ZNF341: variants seen among roughly 807,000 people sequenced by gnomAD.
The protein encoded by ZNF341 is zinc finger protein 341.
In ZNF341, 52 loss-of-function variants were observed where a neutral mutation model predicts 87.7. That is an observed-to-expected ratio of 0.59 (90% CI 0.47 to 0.75). ZNF341 has a LOEUF of 0.75. Among genes scored for constraint, ZNF341 ranks in the 30% least tolerant of loss-of-function variants. The pLI is 0.00. For missense variants in ZNF341, 977 were observed against 1,145.9 expected, an observed-to-expected ratio of 0.85 and a Z score of 2.13; for synonymous variants, 459 against 472.7, an observed-to-expected ratio of 0.97 and a Z score of 0.38.
In ZNF341 at chr20:33,762,031, A is replaced by G; in HGVS notation, c.1198A>G (p.Arg400Gly). Residue 400 changes from arginine to glycine, a missense_variant, in exon 8 of 15, where the codon AGG (arginine) becomes GGG (glycine). Transcript: ENST00000375200. ...TVQVMALNPSRQEDEESTGLG... is the reference protein window; with the variant it reads ...TVQVMALNPSGQEDEESTGLG... ...ACAGGTCATGGCCCTGAACCCCAGCAGGCAGGAGGACGAGGAAAGCACAGG... is the reference window on the plus strand; with the variant it reads ...ACAGGTCATGGCCCTGAACCCCAGCGGGCAGGAGGACGAGGAAAGCACAGG... The G allele has an allele frequency of 1.9e-6, 3 of 1,569,604 alleles. No homozygotes were observed. The highest frequency in any genetic ancestry group is 2.6e-6 in the Non-Finnish European group (3 of 1,147,576).
chr20:33,789,155 A>C (rs1454638469), intron 13 of ZNF341, among the ~76,000 whole-genome samples, 181 bp downstream of exon 13: 1 of 151,356 alleles, frequency 6.6e-6, no homozygotes, highest in Non-Finnish European at 1.5e-5. Flanking sequence ...GTCTCACTGC[A>C]ACCTCTGCCT....
At chr20:33,753,980 G>A (rs1014078878) in intron 5 of ZNF341, among the ~76,000 whole-genome samples, 1 of 152,114 alleles carries the variant, frequency 6.6e-6, no homozygotes, top group Non-Finnish European at 1.5e-5. Flanking sequence ...TGGGACAAGT[G>A]GGGTGACTCA....
chr20:33,786,774 C>T (rs866827998), intron 12 of ZNF341, among the ~76,000 whole-genome samples: 2 of 143,780 alleles, frequency 1.4e-5, no homozygotes, highest in African/African-American at 2.6e-5. Flanking sequence ...TTGAGACCAG[C>T]CTGGCCAACG....
At chr20:33,742,642 A>T (rs2018826289) in intron 2 of ZNF341, among the ~76,000 whole-genome samples, 2 of 151,618 alleles carry the variant, frequency 1.3e-5, no homozygotes, top group Admixed American at 6.6e-5. Flanking sequence ...ATTAAAAAAA[A>T]AAAATAGAGA....
chr20:33,772,004 T>C (rs2019542003), intron 10 of ZNF341, among the ~76,000 whole-genome samples: 1 of 59,366 alleles, frequency 1.7e-5, no homozygotes, highest in African/African-American at 7.5e-5. Context: ...ACAGAGACGC[T>C]TGTCTTAAAA....
At chr20:33,766,534 G>A (rs1476141125) in intron 8 of ZNF341, among the ~76,000 whole-genome samples, 3 of 152,146 alleles carry the variant, frequency 2.0e-5, no homozygotes, top group African/African-American at 7.2e-5. Flanking sequence ...GGAGGCATTA[G>A]GAGTACAACT....
At chr20:33,745,794 C>T (rs956279528) in intron 3 of ZNF341, among the ~76,000 whole-genome samples, 9 of 151,720 alleles carry the variant, frequency 5.9e-5, no homozygotes, top group African/African-American at 2.2e-4. Context: ...GATGCAGAGG[C>T]CTTGAGGCAG....
chr20:33,769,315 C>T (rs1004928941), intron 9 of ZNF341, among the ~76,000 whole-genome samples: 2 of 140,902 alleles, frequency 1.4e-5, no homozygotes, highest in Non-Finnish European at 3.0e-5. Flanking sequence ...TAGTGATGCA[C>T]ATATTCAGAC....
intron 7 of ZNF341, 139 bp from the exon 8 acceptor site, chr20:33,761,723 G>T (rs1465877519): frequency 6.0e-6 from 4 of 671,964 alleles, no homozygotes; most frequent in Non-Finnish European, 9.3e-6. Context: ...CTCAGCGAAG[G>T]GGCTTGTCGC....
In ZNF341 at chr20:33,770,013, G is replaced by A. The variant is rs940219622; in HGVS notation, c.1414-71G>A. 3 of 1,069,468 alleles carry A rather than the reference G, an allele frequency of 2.8e-6. No homozygotes were observed. The African/African-American group carries it at 4.6e-5, about 17-fold the overall frequency. The allele number at this position is 1,069,468 out of a possible 1,614,324, so 66.2% of individuals were successfully genotyped here. ...TTTACCATCAGTGTCCAAGGCCAAT[G>A]CCACAGGCCAGGGGCTGCAGTGGAG... On this transcript the variant is annotated intron_variant, in intron 9 of 14. Coordinates refer to ENST00000375200, the MANE Select transcript of ZNF341 (RefSeq NM_001282933.2).
intron 2 of ZNF341, among the ~76,000 whole-genome samples, chr20:33,741,831 T>C (rs1372997825): frequency 1.3e-5 from 2 of 152,234 alleles, no homozygotes; most frequent in African/African-American, 4.8e-5. Flanking sequence ...GAATTATTGT[T>C]CTTATAGTTC....
chr20:33,789,078 CTTTTT>C, intron 13 of ZNF341, 104 bp downstream of exon 13: 3 of 608,070 alleles, frequency 4.9e-6, no homozygotes, highest in Non-Finnish European at 8.2e-6. Context: ...CAGGCCTCTC[CTTTTT>C]TTTTTTTTTG....
At chr20:33,734,852 A>G (rs186721681) in intron 1 of ZNF341, among the ~76,000 whole-genome samples, 1 of 151,860 alleles carries the variant, frequency 6.6e-6, no homozygotes, top group African/African-American at 2.4e-5. Flanking sequence ...CTACAGGCAC[A>G]TGCCACCACG....
rs2020026277 is a variant in ZNF341, at chr20:33,791,388, A to G, written c.2436A>G (p.Glu812=). 1 of 1,612,658 alleles carries G rather than the reference A, an allele frequency of 6.2e-7. No homozygotes were observed. Among genetic ancestry groups the G allele is most frequent in the Non-Finnish European group, 8.5e-7 (1 of 1,179,748 alleles). The change falls in exon 15 of 15, where the codon GAA becomes GAG. Residue 812 remains glutamate, a synonymous_variant. Transcript: ENST00000375200. The part of the protein sequence containing the change: ...SIVVGGAVGA[E]TELVVPGHAE... ...TTGTGGGTGGTGCGGTGGGCGCGGA[A>G]ACTGAGCTGGTGGTACCTGGACACG...
intron 8 of ZNF341, 92 bp from the exon 9 acceptor site, chr20:33,766,759 G>A (rs1303920676): frequency 3.4e-5 from 47 of 1,373,812 alleles, no homozygotes; most frequent in East Asian, 1.2e-4. Flanking sequence ...AGCAGGTGCC[G>A]GGTGAACACA....
chr20:33,748,035 G>A (rs1020634931), intron 3 of ZNF341, among the ~76,000 whole-genome samples: 4 of 151,714 alleles, frequency 2.6e-5, no homozygotes, highest in Non-Finnish European at 5.9e-5. Flanking sequence ...ACTTCATGTG[G>A]ACATGTGTTC....
chr20:33,750,208 C>T (rs755891038), intron 4 of ZNF341, among the ~76,000 whole-genome samples: 5 of 152,046 alleles, frequency 3.3e-5, no homozygotes, highest in Admixed American at 2.0e-4. Context: ...CCTCTAGTGT[C>T]GGCCTCTCAA....
intron 1 of ZNF341, among the ~76,000 whole-genome samples, chr20:33,734,994 C>T (rs2018649243): frequency 6.6e-6 from 1 of 151,316 alleles, no homozygotes; most frequent in South Asian, 2.1e-4. Flanking sequence ...GCATGAGCCA[C>T]TGAGCCTGGC....
In ZNF341 at chr20:33,760,188, A is replaced by G. The variant is rs1175921606; in HGVS notation, c.1028+1382A>G. Among the ~76,000 whole-genome samples the G allele has an allele frequency of 2.0e-5, 3 of 152,136 alleles. No homozygotes were observed. The South Asian group carries it at 6.2e-4, about 31-fold the overall frequency. On this transcript the variant is annotated intron_variant, in intron 7 of 14. Transcript: ENST00000375200. The stretch of plus-strand genomic sequence containing the variant: ...GAGGCTGAGGTGGGTAGATCACTTG[A>G]GGTCAGGAGTTCAAGACCAGCCTGG...
Sources: allele counts gnomAD v4.1 joint callset (sites outside exome capture counted in the v4.1 genomes callset), GRCh38; gene constraint gnomAD v4.1.1; transcripts MANE v1.5; gene names NCBI Gene and HGNC (gene_info 2026-07-23, HGNC 2026-07-21).